The following YTHDC2 variants were observed in gnomAD, a reference collection of about 807,000 sequenced individuals.
The protein encoded by YTHDC2 is 3'-5' RNA helicase YTHDC2.
A neutral mutation model predicts 174.9 loss-of-function variants in YTHDC2; 45 were observed. The observed-to-expected ratio is 0.26, with a 90% CI of 0.20 to 0.33. The LOEUF is 0.33. Among genes scored for constraint, YTHDC2 ranks in the 10% least tolerant of loss-of-function variants. YTHDC2 has a pLI of 1.00. For missense variants in YTHDC2, 1,650 were observed against 1,723.7 expected (o/e 0.96, Z 0.76); for synonymous variants, 657 against 574.5 (o/e 1.14, Z -2.05).
chr5:113,553,260 GAGCTCCTGAA>G lies in YTHDC2; in HGVS notation c.1773_1782del (p.Leu592IlefsTer10). On this transcript the variant is annotated frameshift_variant, in exon 13 of 30. Coordinates refer to ENST00000161863, the MANE Select transcript of YTHDC2 (RefSeq NM_022828.5). LOFTEE classifies it high-confidence loss of function. ...AAGTGACCTCAGTGCTGAAGACAGA[GAGCTCCTGAA>G]AGCTTATCATCATAGTTTCGATGAT... The G allele has an allele frequency of 6.2e-7, 1 of 1,606,316 alleles. No individual in the cohort carries two copies.
intron 23 of YTHDC2, among the ~76,000 whole-genome samples, chr5:113,578,969 G>A (rs968406722): frequency 2.0e-5 from 3 of 151,810 alleles, no homozygotes; most frequent in East Asian, 1.9e-4. Flanking sequence ...AATGCATTCT[G>A]TATTTTTATA....
chr5:113,541,382 G>A (rs959515491), intron 9 of YTHDC2, among the ~76,000 whole-genome samples: 2 of 151,858 alleles, frequency 1.3e-5, no homozygotes, highest in African/African-American at 4.8e-5. Context: ...TAGTAGAGAC[G>A]GGATTTCACT....
At chr5:113,520,996 A>C (rs553385956) in intron 2 of YTHDC2, among the ~76,000 whole-genome samples, 1 of 152,134 alleles carries the variant, frequency 6.6e-6, no homozygotes, top group Admixed American at 6.6e-5. Flanking sequence ...TCCTACTTAC[A>C]AATGTGAGCA....
At chr5:113,518,209 T>C (rs1773612393) in intron 2 of YTHDC2, among the ~76,000 whole-genome samples, 1 of 150,770 alleles carries the variant, frequency 6.6e-6, no homozygotes, top group South Asian at 2.1e-4. Context: ...TTTTTTTTTT[T>C]TGGAGACAAG....
chr5:113,537,875 A>C (rs138718277), intron 7 of YTHDC2, among the ~76,000 whole-genome samples: 1 of 152,086 alleles, frequency 6.6e-6, no homozygotes, highest in African/African-American at 2.4e-5. Context: ...TCACAAACCT[A>C]TAAGTTCTTA....
intron 8 of YTHDC2, 48 bp from the exon 9 acceptor site, chr5:113,540,920 A>G (rs1281225654): frequency 6.4e-7 from 1 of 1,554,984 alleles, no homozygotes; most frequent in East Asian, 2.3e-5. Flanking sequence ...ATACATTTCA[A>G]AAAGGAAATG....
chr5:113,536,377 T>C (rs1775073362), intron 7 of YTHDC2, among the ~76,000 whole-genome samples: 1 of 152,048 alleles, frequency 6.6e-6, no homozygotes, highest in South Asian at 2.1e-4. Context: ...TACAAAAAAT[T>C]AGCCAGGCGT....
chr5:113,565,779 A>C (rs1777291945), intron 20 of YTHDC2, 114 bp from the exon 21 acceptor site: 2 of 1,072,684 alleles, frequency 1.9e-6, no homozygotes, highest in Non-Finnish European at 1.3e-6. Context: ...ATAGAAAATT[A>C]GAATAAGGCA....
intron 1 of YTHDC2, 139 bp downstream of exon 1, chr5:113,514,221 C>G: frequency 9.1e-7 from 1 of 1,101,896 alleles, no homozygotes. Flanking sequence ...GGGCGGGCCT[C>G]AGCGGCGGCA....
chr5:113,573,858 C>T (rs7713378), intron 23 of YTHDC2, among the ~76,000 whole-genome samples: 94,423 of 151,928 alleles, frequency 0.62, 31,872 homozygotes, highest in African/African-American at 0.9. Flanking sequence ...TATTAGCTCC[C>T]GTATTGTTTT....
In YTHDC2 at chr5:113,533,011, C is replaced by A. The variant is rs2112581216; in HGVS notation, c.808C>A (p.Gln270Lys). The A allele has an allele frequency of 6.2e-7, 1 of 1,614,110 alleles. No individual in the cohort carries two copies. Among genetic ancestry groups the A allele is most frequent in the South Asian group, 1.1e-5 (1 of 91,054 alleles). The change falls in exon 5 of 30, where the codon CAA becomes AAA. Residue 270 changes from glutamine (Q) to lysine (K), a missense_variant. This residue lies in a region of YTHDC2 where 304 missense variants were observed against 341.4 expected (regional missense o/e 0.89). Coordinates refer to ENST00000161863, the MANE Select transcript of YTHDC2 (RefSeq NM_022828.5). Reference protein sequence around the residue: ...VAAERRERIGQTIGYQIRLES... With the variant: ...VAAERRERIGKTIGYQIRLES... ...CGCAGAGAGACGGGAAAGGATTGGT[C>A]AAACAATTGGTTATCAGATCCGATT...
At chr5:113,565,366 G>C (rs1184328094) in intron 20 of YTHDC2, among the ~76,000 whole-genome samples, 1 of 152,130 alleles carries the variant, frequency 6.6e-6, no homozygotes, top group Non-Finnish European at 1.5e-5. Flanking sequence ...TCCTTCAAAA[G>C]CAGAGAGGAT....
chr5:113,570,925 T>A (rs186161720), intron 23 of YTHDC2, among the ~76,000 whole-genome samples: 7 of 152,304 alleles, frequency 4.6e-5, no homozygotes, highest in African/African-American at 1.4e-4. Context: ...TGTGCTGGGA[T>A]TATAGGCATG....
intron 17 of YTHDC2, among the ~76,000 whole-genome samples, chr5:113,557,190 A>C (rs571753577): frequency 5.6e-4 from 86 of 152,236 alleles, no homozygotes; most frequent in Non-Finnish European, 1.0e-3. Context: ...TAAGGAGACA[A>C]TTTTATTTTT....
intron 18 of YTHDC2, among the ~76,000 whole-genome samples, chr5:113,561,718 C>T (rs1455202531): frequency 6.6e-6 from 1 of 152,078 alleles, no homozygotes; most frequent in Non-Finnish European, 1.5e-5. Context: ...TCACCCGCCT[C>T]AGCCTCCCAA....
intron 9 of YTHDC2, among the ~76,000 whole-genome samples, chr5:113,542,144 C>T (rs1340623088): frequency 6.6e-6 from 1 of 152,058 alleles, no homozygotes; most frequent in African/African-American, 2.4e-5. Flanking sequence ...AGATCATAGT[C>T]CTTTGTTGAC....
At position 113,594,761 on chromosome 5, in the gene YTHDC2, C is replaced by T. The variant is rs1779175524; in HGVS notation, c.*1287C>T. ...AGTTATTCTTATAAAAGCAAACAGGCAAACATGAGTGTAAATTAAAGACAA... is the reference window on the plus strand; with the variant it reads ...AGTTATTCTTATAAAAGCAAACAGGTAAACATGAGTGTAAATTAAAGACAA... On this transcript the variant is annotated 3_prime_UTR_variant, in exon 30 of 30. Transcript: ENST00000161863. The T allele has an allele frequency of 6.6e-6, 1 of 152,056 alleles. No individual in the cohort carries two copies. 9.4% of individuals were successfully genotyped at this position (152,056 alleles called of 1,614,324 possible).
rs770678876 is a variant in YTHDC2, at chr5:113,581,509, T to A, written c.3447T>A (p.Asp1149Glu). ...RAPSKPWSQV[D>E]EATIRAIIAV... ...CATCTAAACCTTGGTCTCAAGTTGA[T>A]GAAGCTACCATAAGAGCAATTATAG... The change falls in exon 25 of 30, where the codon GAT becomes GAA. Residue 1149 changes from aspartate to glutamate, a missense_variant. Physicochemically the swap from Asp to Glu is conservative, Grantham distance 45. Transcript: ENST00000161863. 6.2e-6 allele frequency: 10 copies of A among 1,614,016 alleles called. 1 individual carries two copies. In the South Asian group the frequency reaches 1.1e-4, roughly 18 times the overall value.
chr5:113,573,192 G>C (rs776775407), intron 23 of YTHDC2, among the ~76,000 whole-genome samples: 5 of 152,140 alleles, frequency 3.3e-5, no homozygotes, highest in Non-Finnish European at 5.9e-5. Context: ...GCATTTGCTT[G>C]TCTGAAAAGG....
Sources: allele counts gnomAD v4.1 joint callset (sites outside exome capture counted in the v4.1 genomes callset), GRCh38; gene constraint gnomAD v4.1.1; regional missense constraint gnomAD v4.1.1; transcripts MANE v1.5; gene names NCBI Gene and HGNC (gene_info 2026-07-23, HGNC 2026-07-21).